AGBL4: variants seen among roughly 807,000 people sequenced by gnomAD.
AGBL4 encodes cytosolic carboxypeptidase 6.
AGBL4 carries 58 observed loss-of-function variants against 66.4 expected under a neutral mutation model. The ratio of observed to expected loss-of-function variants is 0.87; its 90% confidence interval spans 0.71 to 1.09. The LOEUF is 1.09. Among genes scored for constraint, AGBL4 ranks in the 50% least tolerant of loss-of-function variants. The probability of loss-of-function intolerance (pLI) is 0.00; values close to 1 mark genes in which losing one functional copy is unlikely to be tolerated. For synonymous variants in AGBL4, 234 were observed against 222.9 expected (o/e 1.05, Z -0.44); for missense variants, 579 against 631.0 (o/e 0.92, Z 0.88).
intron 6 of AGBL4, among the ~76,000 whole-genome samples, chr1:48,728,421 A>C (rs1647539996): frequency 6.6e-6 from 1 of 151,422 alleles, no homozygotes; most frequent in Non-Finnish European, 1.5e-5. Flanking sequence ...CCTTAAATAA[A>C]ATAGTTTATT....
intron 3 of AGBL4, among the ~76,000 whole-genome samples, chr1:49,447,652 C>T (rs955598436): frequency 1.3e-5 from 2 of 152,134 alleles, no homozygotes; most frequent in African/African-American, 2.4e-5. Context: ...CAGGGCTTGT[C>T]AGGGTAGAGG....
intron 4 of AGBL4, among the ~76,000 whole-genome samples, chr1:49,170,696 G>T (rs1646723371): frequency 6.6e-6 from 1 of 150,418 alleles, no homozygotes; most frequent in African/African-American, 2.4e-5. Context: ...TATATGAATT[G>T]TGACTATTTT....
intron 1 of AGBL4, among the ~76,000 whole-genome samples, chr1:49,987,728 G>C (rs540230030): frequency 6.6e-5 from 10 of 151,924 alleles, no homozygotes; most frequent in African/African-American, 2.2e-4. Context: ...TATATTATTT[G>C]TGTAATTTTT....
chr1:49,273,490 AG>A (rs1169669521), intron 3 of AGBL4, among the ~76,000 whole-genome samples: 5 of 150,456 alleles, frequency 3.3e-5, no homozygotes, highest in Non-Finnish European at 5.9e-5. Context: ...AAATTATAAG[AG>A]GTTATACAAG....
At position 49,322,367 on chromosome 1, in the gene AGBL4, T is replaced by A. The variant is rs891232929; in HGVS notation, c.283-76503A>T. Among the ~76,000 whole-genome samples the A allele has an allele frequency of 3.3e-5, 5 of 152,192 alleles. No homozygotes were observed. The South Asian group carries it at 1.0e-3, about 31-fold the overall frequency. ...GGAAGGTAACATAATCTTCAGTGAA[T>A]GAGGATAAGAAATGAGACTCTTTTT... On this transcript the variant is annotated intron_variant, in intron 3 of 13. Transcript: ENST00000371839.
At chr1:49,689,711 T>G (rs994501035) in intron 3 of AGBL4, among the ~76,000 whole-genome samples, 1 of 152,202 alleles carries the variant, frequency 6.6e-6, no homozygotes, top group African/African-American at 2.4e-5. Context: ...ACATGGAATA[T>G]CTTTCCTTTT....
chr1:49,978,285 CA>C lies in AGBL4; in HGVS notation c.34+45477del, dbSNP rs546097558. Among the ~76,000 whole-genome samples the C allele has an allele frequency of 2.3e-3, 340 of 151,012 alleles. 5 individuals carry two copies. Among genetic ancestry groups the C allele is most frequent in the Admixed American group, 0.021 (312 of 15,174 alleles). ...GCAACATAGCAAGATCCTGTCTTTA[CA>C]AAAAAAAATTAGCCAGGTATAGTGG... On this transcript the variant is annotated intron_variant, in intron 1 of 13. Coordinates refer to ENST00000371839, the MANE Select transcript of AGBL4 (RefSeq NM_032785.4).
At chr1:49,082,302 A>G (rs1571401923) in intron 4 of AGBL4, among the ~76,000 whole-genome samples, 2 of 152,296 alleles carry the variant, frequency 1.3e-5, no homozygotes, top group South Asian at 4.1e-4. Context: ...GGATTTTACA[A>G]ATTTGGGGCC....
intron 4 of AGBL4, among the ~76,000 whole-genome samples, chr1:49,222,500 A>G (rs969213483): frequency 6.6e-6 from 1 of 152,238 alleles, no homozygotes; most frequent in African/African-American, 2.4e-5. Flanking sequence ...AGCAAAATTT[A>G]TTCCCTAAAA....
chr1:49,922,890 A>G (rs191861697), intron 1 of AGBL4, among the ~76,000 whole-genome samples: 8 of 152,368 alleles, frequency 5.3e-5, no homozygotes, highest in Middle Eastern at 3.4e-3. Flanking sequence ...AATACTGCCC[A>G]AAGCAATTTA....
At chr1:48,876,032 G>T (rs769211197) in intron 5 of AGBL4, among the ~76,000 whole-genome samples, 17 of 152,182 alleles carry the variant, frequency 1.1e-4, no homozygotes, top group African/African-American at 9.6e-5. Context: ...ACCTGGAGCA[G>T]CCTCTGCACA....
chr1:48,740,997 C>T (rs1649830393), intron 6 of AGBL4, among the ~76,000 whole-genome samples: 1 of 152,180 alleles, frequency 6.6e-6, no homozygotes, highest in Non-Finnish European at 1.5e-5. Context: ...CTGTTCAACT[C>T]ACGTGTAAAA....
At chr1:48,756,174 T>G (rs1408470007) in intron 6 of AGBL4, among the ~76,000 whole-genome samples, 1 of 152,222 alleles carries the variant, frequency 6.6e-6, no homozygotes, top group Non-Finnish European at 1.5e-5. Flanking sequence ...GAGACATACA[T>G]GCTCTTTGCC....
chr1:49,342,333 C>T (rs1306657980), intron 3 of AGBL4, among the ~76,000 whole-genome samples: 2 of 152,116 alleles, frequency 1.3e-5, no homozygotes, highest in Non-Finnish European at 2.9e-5. Flanking sequence ...GAGAGGTGGA[C>T]ACCACAGGAG....
rs183559203 is a variant in AGBL4, at chr1:49,639,118, A to G, written c.282+58195T>C. 3.7e-4 allele frequency among the ~76,000 whole-genome samples: 56 copies of G among 152,296 alleles called. No homozygotes were observed. The East Asian group carries it at 8.7e-3, about 24-fold the overall frequency. On this transcript the variant is annotated intron_variant, in intron 3 of 13. Transcript: ENST00000371839. ...TTCAGCTAGGATTCAGAATGGAAAC[A>G]CATCCCTGTGAAGATACCTCGGCAC... is the stretch of plus-strand genomic sequence containing the variant.
intron 4 of AGBL4, among the ~76,000 whole-genome samples, chr1:49,138,015 G>A (rs1646046272): frequency 1.3e-5 from 2 of 152,022 alleles, no homozygotes; most frequent in Non-Finnish European, 2.9e-5. Context: ...GGGATTCTGG[G>A]CAAAATGAAG....
intron 6 of AGBL4, among the ~76,000 whole-genome samples, chr1:48,705,643 A>T (rs1346115700): frequency 6.6e-6 from 1 of 152,238 alleles, no homozygotes; most frequent in Non-Finnish European, 1.5e-5. Context: ...ATCTCAGAGC[A>T]CAACTTCTTA....
chr1:48,931,230 T>C (rs1350255656), intron 5 of AGBL4, among the ~76,000 whole-genome samples: 1 of 152,208 alleles, frequency 6.6e-6, no homozygotes, highest in Admixed American at 6.5e-5. Flanking sequence ...AAATCTCTAA[T>C]ACTAAAGCAT....
At chr1:48,820,815 G>A (rs1646295603) in intron 6 of AGBL4, among the ~76,000 whole-genome samples, 1 of 152,038 alleles carries the variant, frequency 6.6e-6, no homozygotes, top group Non-Finnish European at 1.5e-5. Context: ...AAACGGACAA[G>A]CTACAGAATG....
Sources: allele counts gnomAD v4.1 joint callset (sites outside exome capture counted in the v4.1 genomes callset), GRCh38; gene constraint gnomAD v4.1.1; transcripts MANE v1.5; gene names NCBI Gene and HGNC (gene_info 2026-07-23, HGNC 2026-07-21).